Variants in DLGAP2 observed in about 807,000 individuals in gnomAD.
DLGAP2 encodes disks large-associated protein 2.
In DLGAP2, 26 loss-of-function variants were observed where a neutral mutation model predicts 100.3. That is an observed-to-expected ratio of 0.26 (90% CI 0.19 to 0.36). The LOEUF is 0.36. Among genes scored for constraint, DLGAP2 ranks in the 10% least tolerant of loss-of-function variants. The pLI is 1.00. For missense variants in DLGAP2, 1,858 were observed against 1,453.2 expected (o/e 1.28, Z -4.53); for synonymous variants, 886 against 630.1 (o/e 1.41, Z -6.08).
At chr8:1,285,477 G>C (rs1277595906) in intron 3 of DLGAP2, among the ~76,000 whole-genome samples, 1 of 152,192 alleles carries the variant, frequency 6.6e-6, no homozygotes, top group African/African-American at 2.4e-5. Context: ...TCCTGGAGAT[G>C]ATGGAAGGCC....
At chr8:1,513,830 C>T (rs940240800) in intron 4 of DLGAP2, among the ~76,000 whole-genome samples, 3 of 151,340 alleles carry the variant, frequency 2.0e-5, no homozygotes, top group Non-Finnish European at 2.9e-5. Context: ...CAAGGTCCAA[C>T]ACGAAACATC....
chr8:1,022,960 A>G (rs1003925323), intron 2 of DLGAP2, among the ~76,000 whole-genome samples: 1 of 152,240 alleles, frequency 6.6e-6, no homozygotes, highest in Non-Finnish European at 1.5e-5. Context: ...AGAGGCTGTC[A>G]TGTGAATGTC....
chr8:846,195 A>T (rs953452894), intron 1 of DLGAP2, among the ~76,000 whole-genome samples: 1 of 152,178 alleles, frequency 6.6e-6, no homozygotes, highest in Non-Finnish European at 1.5e-5. Context: ...ATTATTGTTA[A>T]CTCCAGTCAT....
rs1364523117 is a variant in DLGAP2, at chr8:903,458, A to AT, written c.19-4449dup. ...AAAATCAGCCACAACAGGCCTGTGT[A>AT]TTTTTGTGGCTATGGCTTGTGTAGA... On this transcript the variant is annotated intron_variant, in intron 1 of 14. Coordinates refer to ENST00000637795, the MANE Select transcript of DLGAP2 (RefSeq NM_001346810.2). Among the ~76,000 whole-genome samples, 8 of 152,088 alleles carry AT rather than the reference A, an allele frequency of 5.3e-5. No homozygotes were observed. The East Asian group carries it at 1.5e-3, about 29-fold the overall frequency.
In DLGAP2 at chr8:1,703,454, A is replaced by G. The variant is rs1219337702; in HGVS notation, c.*2048A>G. 6.6e-6 allele frequency: 1 copy of G among 152,634 alleles called. No individual in the cohort carries two copies. The highest frequency in any genetic ancestry group is 1.5e-5 in the Non-Finnish European group (1 of 68,038). 9.5% of individuals were successfully genotyped at this position (152,634 alleles called of 1,614,324 possible). A position where few individuals can be genotyped will look rare whatever the true frequency, so the allele number is the denominator to read the frequency against. ...ATCCACTCTTATTATGTTAAAACAA[A>G]TGTATTTGCGAGTATTGGCATTTTA... On this transcript the variant is annotated 3_prime_UTR_variant, in exon 15 of 15. Coordinates refer to ENST00000637795, the MANE Select transcript of DLGAP2 (RefSeq NM_001346810.2).
At chr8:908,060 AT>A (rs2128998872) in intron 2 of DLGAP2, 94 bp downstream of exon 2, 1 of 396,752 alleles carries the variant, frequency 2.5e-6, no homozygotes, top group South Asian at 1.3e-4. Context: ...TATTTTGTGC[AT>A]TTTTATTTTG....
intron 3 of DLGAP2, among the ~76,000 whole-genome samples, chr8:1,367,470 A>G (rs1184839252): frequency 6.6e-6 from 1 of 152,228 alleles, no homozygotes; most frequent in Non-Finnish European, 1.5e-5. Flanking sequence ...ATAACTCCCA[A>G]GCCCAGCACG....
chr8:1,622,466 A>G (rs532136737), intron 6 of DLGAP2: 1 of 152,306 alleles, frequency 6.6e-6, no homozygotes, highest in African/African-American at 2.4e-5. Flanking sequence ...TGTTATGTAT[A>G]TTCGTTCTCA....
chr8:1,113,124 G>A (rs1224149637), intron 2 of DLGAP2, among the ~76,000 whole-genome samples: 1 of 152,158 alleles, frequency 6.6e-6, no homozygotes, highest in Non-Finnish European at 1.5e-5. Flanking sequence ...ATCATTCAAA[G>A]TTGGATAATA....
intron 3 of DLGAP2, among the ~76,000 whole-genome samples, chr8:1,269,190 C>T (rs1221429627): frequency 6.6e-6 from 1 of 152,224 alleles, no homozygotes; most frequent in Non-Finnish European, 1.5e-5. Flanking sequence ...CTTCCCTGCC[C>T]TTCTCCTGGA....
intron 12 of DLGAP2, among the ~76,000 whole-genome samples, chr8:1,685,432 A>G (rs1261400601): frequency 5.9e-5 from 9 of 152,306 alleles, no homozygotes; most frequent in Non-Finnish European, 8.8e-5. Flanking sequence ...AGCTTAATGG[A>G]ACGTCCACTG....
intron 2 of DLGAP2, among the ~76,000 whole-genome samples, chr8:926,131 G>A (rs771965061): frequency 4.6e-5 from 7 of 152,172 alleles, no homozygotes; most frequent in African/African-American, 1.4e-4. Flanking sequence ...TGGGCTGGCC[G>A]GTTCCTGGGG....
chr8:1,271,131 A>G (rs1799574309), intron 3 of DLGAP2, among the ~76,000 whole-genome samples: 2 of 152,206 alleles, frequency 1.3e-5, no homozygotes, highest in South Asian at 2.1e-4. Context: ...AAATGATTAA[A>G]TAATTAATTA....
At chr8:1,436,604 C>G (rs149278550) in intron 3 of DLGAP2, among the ~76,000 whole-genome samples, 86 of 152,278 alleles carry the variant, frequency 5.6e-4, no homozygotes, top group African/African-American at 2.0e-3. Context: ...CTAAGGTTAA[C>G]TTATTATTGA....
chr8:824,214 A>G (rs1268778506), intron 1 of DLGAP2, among the ~76,000 whole-genome samples: 2 of 151,920 alleles, frequency 1.3e-5, no homozygotes, highest in African/African-American at 4.8e-5. Context: ...AGCTGGGCCT[A>G]TAAGTACTTG....
At chr8:967,126 C>T (rs1261377173) in intron 2 of DLGAP2, among the ~76,000 whole-genome samples, 4 of 152,244 alleles carry the variant, frequency 2.6e-5, no homozygotes, top group Non-Finnish European at 5.9e-5. Context: ...AGCACAGGCT[C>T]CTTGGAGAGG....
At chr8:1,531,366 C>G (rs998177505) in intron 4 of DLGAP2, among the ~76,000 whole-genome samples, 1 of 151,882 alleles carries the variant, frequency 6.6e-6, no homozygotes, top group Non-Finnish European at 1.5e-5. Flanking sequence ...GTTTCCAGGT[C>G]AAATTACTTG....
chr8:1,578,707 T>G (rs1803097163), intron 6 of DLGAP2, among the ~76,000 whole-genome samples: 1 of 152,134 alleles, frequency 6.6e-6, no homozygotes, highest in Non-Finnish European at 1.5e-5. Flanking sequence ...TATATAAGCG[T>G]TTTCACTTAT....
chr8:1,146,616 CGTGTGTGCATGCATGTGTGTGCATGTGA>C (rs1796612557), intron 2 of DLGAP2, among the ~76,000 whole-genome samples: 1 of 151,822 alleles, frequency 6.6e-6, no homozygotes, highest in Non-Finnish European at 1.5e-5. Flanking sequence ...TGTGCATGCA[CGTGTGTGCATGCATGTGTGTGCATGTGA>C]GTGTGTGCAT....
Sources: allele counts gnomAD v4.1 joint callset (sites outside exome capture counted in the v4.1 genomes callset), GRCh38; gene constraint gnomAD v4.1.1; transcripts MANE v1.5; gene names NCBI Gene and HGNC (gene_info 2026-07-23, HGNC 2026-07-21).